ENPEP: variants seen among roughly 807,000 people sequenced by gnomAD.
The protein encoded by ENPEP is glutamyl aminopeptidase, also known as AP-A.
In ENPEP, 103 loss-of-function variants were observed where a neutral mutation model predicts 114.5. The observed-to-expected ratio is 0.90, with a 90% CI of 0.77 to 1.06. The LOEUF (loss-of-function observed/expected upper bound fraction) is 1.06, where lower values mean the gene tolerates loss of function less well. Ranked by LOEUF, ENPEP falls within the 50% of genes least tolerant of loss-of-function variation. The pLI is 0.00. For missense variants in ENPEP, 1,196 were observed against 1,161.3 expected (o/e 1.03, Z -0.43); for synonymous variants, 420 against 422.0 (o/e 1.00, Z 0.06).
chr4:110,539,785 A>C (rs1328831692), intron 11 of ENPEP, among the ~76,000 whole-genome samples: 4 of 124,304 alleles, frequency 3.2e-5, no homozygotes, highest in Admixed American at 3.0e-4. Context: ...GATTAGTGCA[A>C]CACAGCATTC....
At chr4:110,525,778 A>G (rs574523484) in intron 10 of ENPEP, among the ~76,000 whole-genome samples, 22 of 152,318 alleles carry the variant, frequency 1.4e-4, no homozygotes, top group African/African-American at 5.3e-4. Flanking sequence ...GTCTCTTGTC[A>G]AACAAGCTTC....
intron 15 of ENPEP, 23 bp downstream of exon 15, chr4:110,549,442 T>A (rs1272407649): frequency 3.7e-6 from 6 of 1,612,628 alleles, no homozygotes; most frequent in Non-Finnish European, 5.1e-6. Context: ...TTTTAACAAC[T>A]AAAATTCATT....
chr4:110,499,474 C>T (rs1725069962), intron 3 of ENPEP, among the ~76,000 whole-genome samples: 1 of 152,172 alleles, frequency 6.6e-6, no homozygotes, highest in South Asian at 2.1e-4. Context: ...AGTTTATTTT[C>T]AAATCACCTT....
At chr4:110,482,440 T>C (rs542417892) in intron 1 of ENPEP, among the ~76,000 whole-genome samples, 1 of 152,234 alleles carries the variant, frequency 6.6e-6, no homozygotes, top group South Asian at 2.1e-4. Context: ...TTGTCAGACA[T>C]CTAGGAAGAG....
chr4:110,534,906 C>T (rs182059106), intron 11 of ENPEP, among the ~76,000 whole-genome samples: 9 of 152,192 alleles, frequency 5.9e-5, no homozygotes, highest in East Asian at 3.9e-4. Flanking sequence ...CAAGGTGCTA[C>T]GTACATTCTG....
At chr4:110,516,053 AATACG>A (rs1725756686) in intron 8 of ENPEP, among the ~76,000 whole-genome samples, 1 of 152,200 alleles carries the variant, frequency 6.6e-6, no homozygotes, top group Admixed American at 6.5e-5. Flanking sequence ...AATTTCAGGG[AATACG>A]ATTCTTTCCA....
At chr4:110,516,667 C>T (rs1490786704) in intron 8 of ENPEP, among the ~76,000 whole-genome samples, 1 of 152,140 alleles carries the variant, frequency 6.6e-6, no homozygotes, top group East Asian at 1.9e-4. Context: ...ATTTAGCCCT[C>T]TCTACACTAC....
chr4:110,539,314 T>A (rs1413468270), intron 11 of ENPEP, among the ~76,000 whole-genome samples: 1 of 152,326 alleles, frequency 6.6e-6, no homozygotes, highest in Admixed American at 6.5e-5. Flanking sequence ...GAATGGACCC[T>A]GTAATTATTA....
In ENPEP at chr4:110,491,032, G is replaced by A. The variant is rs1283351714; in HGVS notation, c.787-1G>A. 1.9e-6 allele frequency: 3 copies of A among 1,602,974 alleles called. No individual in the cohort carries two copies. The highest frequency in any genetic ancestry group is 2.5e-6 in the Non-Finnish European group (3 of 1,177,304). ...AAAAGTTTATCTTTTCTTTTCAATA[G>A]AAAGAAGAGTCAGTGGATGATAAAT... On this transcript the variant is annotated splice_acceptor_variant, in intron 2 of 19. Transcript: ENST00000265162. LOFTEE classifies it high-confidence loss of function.
At chr4:110,548,795 A>C (rs180935232) in intron 14 of ENPEP, among the ~76,000 whole-genome samples, 1 of 152,142 alleles carries the variant, frequency 6.6e-6, no homozygotes, top group East Asian at 1.9e-4. Context: ...GTAGCACGTA[A>C]GTAGGACACT....
At chr4:110,501,801 T>C (rs1316333495) in intron 3 of ENPEP, among the ~76,000 whole-genome samples, 1 of 152,200 alleles carries the variant, frequency 6.6e-6, no homozygotes, top group South Asian at 2.1e-4. Context: ...GGTATATATA[T>C]CCTGTAATAA....
chr4:110,554,827 A>G (rs1251143085), intron 18 of ENPEP, among the ~76,000 whole-genome samples: 1 of 151,988 alleles, frequency 6.6e-6, no homozygotes, highest in Non-Finnish European at 1.5e-5. Context: ...GTTACTTTTG[A>G]GTTACTATGA....
intron 8 of ENPEP, among the ~76,000 whole-genome samples, chr4:110,518,143 A>T (rs759895829): frequency 6.6e-6 from 1 of 152,202 alleles, no homozygotes; most frequent in Non-Finnish European, 1.5e-5. Context: ...CAAACAGCAA[A>T]ATAGGTGCAG....
intron 10 of ENPEP, among the ~76,000 whole-genome samples, chr4:110,526,873 T>C (rs562284344): frequency 2.0e-5 from 3 of 152,304 alleles, no homozygotes; most frequent in South Asian, 4.1e-4. Flanking sequence ...CCAAAGATTT[T>C]ATTGAGCTAA....
At chr4:110,477,137 C>A (rs764670201) in intron 1 of ENPEP, 79 bp downstream of exon 1, 11 of 1,502,382 alleles carry the variant, frequency 7.3e-6, no homozygotes, top group Middle Eastern at 4.9e-4. Flanking sequence ...TTTCACTTTC[C>A]GCTTTTAATT....
chr4:110,482,838 G>A lies in ENPEP; in HGVS notation c.645-5703G>A, dbSNP rs181569361. Among the ~76,000 whole-genome samples, 88 of 152,070 alleles carry A rather than the reference G, an allele frequency of 5.8e-4. 2 individuals carry two copies. In the East Asian group the frequency reaches 0.014, roughly 25 times the overall value. ...AGCCTGGCTAACATGGTGAAACCCCGCCTCTACTAAAAATACAAAAATTAG... is the reference window on the plus strand; with the variant it reads ...AGCCTGGCTAACATGGTGAAACCCCACCTCTACTAAAAATACAAAAATTAG... On this transcript the variant is annotated intron_variant, in intron 1 of 19. Transcript: ENST00000265162.
intron 10 of ENPEP, among the ~76,000 whole-genome samples, chr4:110,523,899 A>G (rs893270505): frequency 1.3e-5 from 2 of 152,142 alleles, no homozygotes; most frequent in Non-Finnish European, 2.9e-5. Context: ...AAATGAGCAA[A>G]TACTACGTTT....
intron 1 of ENPEP, among the ~76,000 whole-genome samples, chr4:110,485,211 T>A (rs1173385319): frequency 6.6e-6 from 1 of 152,208 alleles, no homozygotes; most frequent in Non-Finnish European, 1.5e-5. Flanking sequence ...GAAACTTCAA[T>A]TGACTAAACT....
chr4:110,503,475 A>G (rs999932236), intron 3 of ENPEP, among the ~76,000 whole-genome samples: 5 of 151,976 alleles, frequency 3.3e-5, no homozygotes, highest in Non-Finnish European at 7.4e-5. Flanking sequence ...ATTGGTTTCA[A>G]CTTTCTCAAT....
Sources: gnomAD v4.1 joint callset for allele counts (sites outside exome capture counted in the v4.1 genomes callset) on GRCh38, gnomAD v4.1.1 for gene constraint, MANE v1.5 for transcripts, NCBI Gene and HGNC (gene_info 2026-07-23, HGNC 2026-07-21) for gene names.